Variants in FTO observed in about 807,000 individuals in gnomAD.
FTO encodes the protein alpha-ketoglutarate-dependent dioxygenase FTO.
FTO carries 47 observed loss-of-function variants against 63.9 expected under a neutral mutation model. That is an observed-to-expected ratio of 0.74 (90% CI 0.58 to 0.94). The LOEUF (loss-of-function observed/expected upper bound fraction) is 0.94, where lower values mean the gene tolerates loss of function less well. FTO is among the 40% of genes least tolerant of loss of function. The pLI is 0.00. For missense variants in FTO, 562 were observed against 618.1 expected, an observed-to-expected ratio of 0.91 and a Z score of 0.96; for synonymous variants, 207 against 224.4, an observed-to-expected ratio of 0.92 and a Z score of 0.69.
At chr16:53,791,406 TGTGGTTGTAG>T (rs539971786) in intron 1 of FTO, among the ~76,000 whole-genome samples, 20 of 152,318 alleles carry the variant, frequency 1.3e-4, no homozygotes, top group African/African-American at 4.8e-4. Context: ...TTTTTTTCTT[TGTGGTTGTAG>T]GTGGTTGTAG....
intron 1 of FTO, among the ~76,000 whole-genome samples, chr16:53,789,055 A>G (rs1254490923): frequency 6.6e-6 from 1 of 152,246 alleles, no homozygotes; most frequent in Non-Finnish European, 1.5e-5. Context: ...CTGTCTGTAT[A>G]TGCTCATCTA....
chr16:53,923,311 T>G (rs2082052357), intron 7 of FTO, among the ~76,000 whole-genome samples: 1 of 152,210 alleles, frequency 6.6e-6, no homozygotes, highest in African/African-American at 2.4e-5. Context: ...TAACTTCGAC[T>G]AGGTGCTTTG....
Position 53,857,179 on chromosome 16 carries a change from C to T in FTO, c.895+12881C>T, listed in dbSNP as rs144385440. On this transcript the variant is annotated intron_variant, in intron 4 of 8. Transcript: ENST00000471389. ...GGGTTTAGTATACAGATTATTTCAT[C>T]ACCCAGGTAATAAGCGTAGTACCTG... 2.6e-5 allele frequency among the ~76,000 whole-genome samples: 4 copies of T among 152,244 alleles called. No homozygotes were observed. In the East Asian group the frequency reaches 7.7e-4, roughly 29 times the overall value.
Position 53,726,189 on chromosome 16 carries a change from A to T in FTO, c.45+21960A>T, listed in dbSNP as rs537343633. 3.9e-5 allele frequency among the ~76,000 whole-genome samples: 6 copies of T among 152,342 alleles called. No individual in the cohort carries two copies. The South Asian group carries it at 1.2e-3, about 32-fold the overall frequency. ...GATTTTATAAACACTCTAAAAAAAT[A>T]TAAAACGTGTCGATGAACTACTGTG... On this transcript the variant is annotated intron_variant, in intron 1 of 8. Coordinates refer to ENST00000471389, the MANE Select transcript of FTO (RefSeq NM_001080432.3).
chr16:54,077,085 G>C (rs7203500), intron 8 of FTO, among the ~76,000 whole-genome samples: 4,677 of 152,220 alleles, frequency 0.031, 218 homozygotes, highest in African/African-American at 0.11. Context: ...GGAACTCCAG[G>C]CTAAGACTGC....
intron 2 of FTO, among the ~76,000 whole-genome samples, chr16:53,817,285 A>G (rs1422289392): frequency 6.6e-6 from 1 of 152,234 alleles, no homozygotes; most frequent in Non-Finnish European, 1.5e-5. Flanking sequence ...GAGTCTGAAC[A>G]GTGACTCCAG....
rs544138428 is a variant in FTO, at chr16:53,935,537, G to A, written c.1364+1428G>A. 8 of 152,252 alleles carry A rather than the reference G, an allele frequency of 5.3e-5. 1 individual carries two copies. In the East Asian group the frequency reaches 1.5e-3, roughly 29 times the overall value. 9.4% of individuals were successfully genotyped at this position (152,252 alleles called of 1,614,324 possible). A position where few individuals can be genotyped will look rare whatever the true frequency, so the allele number is the denominator to read the frequency against. On this transcript the variant is annotated intron_variant, in intron 8 of 8. Transcript: ENST00000471389. Reference sequence around the variant, plus strand: ...CCATCTTTTTGGTGGTGTGGTCGGAGTAAATGGCAGACAGTTTCTTTTTTT... The same window carrying A: ...CCATCTTTTTGGTGGTGTGGTCGGAATAAATGGCAGACAGTTTCTTTTTTT...
chr16:54,062,570 G>A (rs56771237), intron 8 of FTO, among the ~76,000 whole-genome samples: 4 of 152,186 alleles, frequency 2.6e-5, no homozygotes, highest in Non-Finnish European at 4.4e-5. Context: ...TAGAGACCTC[G>A]GAAGCTGCTG....
Position 54,119,901 on chromosome 16 carries a change from G to A in FTO, c.*7986G>A, listed in dbSNP as rs955128129. 3.3e-5 allele frequency: 5 copies of A among 152,182 alleles called. No homozygotes were observed. The highest frequency in any genetic ancestry group is 9.7e-5 in the African/African-American group (4 of 41,448). The allele number at this position is 152,182 out of a possible 1,614,324, so 9.4% of individuals were successfully genotyped here. On this transcript the variant is annotated 3_prime_UTR_variant, in exon 9 of 9. Transcript: ENST00000471389. ...TCTGTGAGAAGCATGGTTTCACTTC[G>A]ACCAGAAATGTCTGTGTATAGTTTT...
intron 8 of FTO, among the ~76,000 whole-genome samples, chr16:53,966,846 G>A (rs1319690970): frequency 6.6e-6 from 1 of 152,208 alleles, no homozygotes; most frequent in Non-Finnish European, 1.5e-5. Flanking sequence ...TGTCAAATGA[G>A]CTAAACCCTT....
intron 7 of FTO, among the ~76,000 whole-genome samples, chr16:53,914,035 C>A (rs1051507336): frequency 4.6e-5 from 7 of 151,742 alleles, no homozygotes; most frequent in Non-Finnish European, 8.8e-5. Context: ...AGTCCCTCGG[C>A]CTTCTCGCAT....
intron 1 of FTO, among the ~76,000 whole-genome samples, chr16:53,715,946 G>C (rs914103192): frequency 3.9e-5 from 6 of 152,164 alleles, no homozygotes; most frequent in African/African-American, 1.2e-4. Flanking sequence ...ACTTGAGGAA[G>C]TGTAAGATAT....
intron 8 of FTO, among the ~76,000 whole-genome samples, chr16:54,021,421 G>A (rs545160282): frequency 4.5e-4 from 33 of 73,232 alleles, no homozygotes; most frequent in African/African-American, 1.5e-3. Context: ...ACATGGCCAT[G>A]TAGGCCATGT....
intron 7 of FTO, among the ~76,000 whole-genome samples, chr16:53,928,302 T>G (rs1216463032): frequency 1.3e-5 from 2 of 152,124 alleles, no homozygotes; most frequent in African/African-American, 4.8e-5. Flanking sequence ...CCTGTGGGGG[T>G]TTTCTCCTGT....
At chr16:54,071,341 C>A (rs1415110679) in intron 8 of FTO, 1 of 152,078 alleles carries the variant, frequency 6.6e-6, no homozygotes, top group African/African-American at 2.4e-5. Flanking sequence ...AGGAGTGGGA[C>A]CAAAATCCTG....
intron 1 of FTO, among the ~76,000 whole-genome samples, chr16:53,788,220 C>A (rs1370660764): frequency 6.6e-6 from 1 of 151,780 alleles, no homozygotes; most frequent in Non-Finnish European, 1.5e-5. Flanking sequence ...TTTGTAAATT[C>A]TTTCTCTTTC....
chr16:53,905,229 G>T (rs895434963), intron 7 of FTO, among the ~76,000 whole-genome samples: 1 of 152,062 alleles, frequency 6.6e-6, no homozygotes, highest in African/African-American at 2.4e-5. Flanking sequence ...AAGTGGTCAG[G>T]CTTAGATATT....
intron 4 of FTO, among the ~76,000 whole-genome samples, chr16:53,845,427 G>A (rs1470723502): frequency 3.3e-5 from 5 of 152,118 alleles, no homozygotes; most frequent in Admixed American, 6.5e-5. Flanking sequence ...TTGGGAATTC[G>A]GAGTACAGAA....
intron 8 of FTO, among the ~76,000 whole-genome samples, chr16:54,014,949 A>G (rs1222438783): frequency 6.9e-6 from 1 of 144,944 alleles, no homozygotes; most frequent in African/African-American, 2.6e-5. Flanking sequence ...TCCAACTCCT[A>G]GCCCCAAGCA....
Sources: allele counts gnomAD v4.1 joint callset (sites outside exome capture counted in the v4.1 genomes callset), GRCh38; gene constraint gnomAD v4.1.1; transcripts MANE v1.5; gene names NCBI Gene and HGNC (gene_info 2026-07-23, HGNC 2026-07-21).